Variants in SCAPER observed in about 807,000 individuals in gnomAD.
The protein encoded by SCAPER is S phase cyclin A-associated protein in the endoplasmic reticulum.
In SCAPER, 98 loss-of-function variants were observed where a neutral mutation model predicts 182.2. The ratio of observed to expected loss-of-function variants is 0.54; its 90% CI spans 0.46 to 0.64. The LOEUF (loss-of-function observed/expected upper bound fraction) is 0.64, where lower values mean the gene tolerates loss of function less well. Among genes scored for constraint, SCAPER ranks in the 30% least tolerant of loss-of-function variants. The pLI is 0.00. For synonymous variants in SCAPER, 605 were observed against 564.6 expected (o/e 1.07, Z -1.01); for missense variants, 1,432 against 1,690.0 (o/e 0.85, Z 2.68).
At chr15:76,418,196 A>G (rs1424643161) in intron 26 of SCAPER, among the ~76,000 whole-genome samples, 1 of 152,190 alleles carries the variant, frequency 6.6e-6, no homozygotes, top group East Asian at 1.9e-4. Flanking sequence ...CTAGAGGGGC[A>G]GCAAAATCCC....
chr15:76,873,480 T>A (rs1471315089), intron 2 of SCAPER, among the ~76,000 whole-genome samples: 2 of 152,198 alleles, frequency 1.3e-5, no homozygotes, highest in Non-Finnish European at 2.9e-5. Context: ...TATATAGTGA[T>A]ACTTTTAGTA....
intron 21 of SCAPER, among the ~76,000 whole-genome samples, chr15:76,646,133 G>A (rs2054526444): frequency 6.6e-6 from 1 of 152,074 alleles, no homozygotes; most frequent in South Asian, 2.1e-4. Context: ...GATCCCCATG[G>A]ATACCAAAAT....
chr15:76,715,646 C>T (rs140392207), intron 17 of SCAPER, among the ~76,000 whole-genome samples: 2 of 152,260 alleles, frequency 1.3e-5, no homozygotes, highest in East Asian at 3.9e-4. Context: ...GTGACCACCA[C>T]ATGCTCCTCA....
At chr15:76,645,625 C>T (rs2146444509) in intron 21 of SCAPER, among the ~76,000 whole-genome samples, 1 of 152,020 alleles carries the variant, frequency 6.6e-6, no homozygotes, top group East Asian at 1.9e-4. Flanking sequence ...GTTTATCCTC[C>T]CTGGAATTAA....
At chr15:76,401,116 T>C (rs1363978843) in intron 27 of SCAPER, among the ~76,000 whole-genome samples, 3 of 149,332 alleles carry the variant, frequency 2.0e-5, no homozygotes, top group African/African-American at 7.7e-5. Context: ...AGTTTACACA[T>C]ATATGTATAT....
At chr15:76,716,276 C>T (rs904636516) in intron 17 of SCAPER, among the ~76,000 whole-genome samples, 5 of 152,270 alleles carry the variant, frequency 3.3e-5, no homozygotes, top group Non-Finnish European at 5.9e-5. Context: ...CTGTGTCCTA[C>T]ACCCAAGCGG....
intron 24 of SCAPER, among the ~76,000 whole-genome samples, chr15:76,491,616 G>C (rs1353954347): frequency 1.3e-5 from 2 of 151,890 alleles, no homozygotes; most frequent in Admixed American, 1.3e-4. Context: ...TCCAGCACTT[G>C]GTATTACTGG....
At chr15:76,521,515 A>T (rs762473754) in intron 23 of SCAPER, among the ~76,000 whole-genome samples, 1 of 152,174 alleles carries the variant, frequency 6.6e-6, no homozygotes, top group Non-Finnish European at 1.5e-5. Context: ...AACTGAAGTG[A>T]TAAGAAGAGT....
chr15:76,619,716 T>C (rs886672472), intron 22 of SCAPER, among the ~76,000 whole-genome samples: 12 of 152,168 alleles, frequency 7.9e-5, no homozygotes, highest in African/African-American at 2.7e-4. Context: ...ATTAGGTATA[T>C]CTCCTAATGC....
chr15:76,475,988 A>G (rs1399313459), intron 24 of SCAPER, among the ~76,000 whole-genome samples: 3 of 152,212 alleles, frequency 2.0e-5, no homozygotes, highest in Non-Finnish European at 4.4e-5. Context: ...ACTGGTTTAC[A>G]TATCCTTCCA....
At chr15:76,794,458 G>A (rs2065194321) in intron 8 of SCAPER, among the ~76,000 whole-genome samples, 1 of 152,076 alleles carries the variant, frequency 6.6e-6, no homozygotes, top group South Asian at 2.1e-4. Context: ...TTAGTATGAA[G>A]AGGGGCAATA....
intron 26 of SCAPER, among the ~76,000 whole-genome samples, chr15:76,407,783 A>G (rs543685415): frequency 6.6e-6 from 1 of 152,320 alleles, no homozygotes; most frequent in African/African-American, 2.4e-5. Context: ...ATCTTGGTTA[A>G]GCATTATATT....
chr15:76,729,993 T>TTAC (rs1341299812), intron 16 of SCAPER, among the ~76,000 whole-genome samples: 1 of 152,122 alleles, frequency 6.6e-6, no homozygotes, highest in African/African-American at 2.4e-5. Flanking sequence ...TACCTACTAC[T>TTAC]TACATAACCT....
chr15:76,407,971 C>T (rs1386340301), intron 26 of SCAPER, among the ~76,000 whole-genome samples: 3 of 151,958 alleles, frequency 2.0e-5, no homozygotes, highest in African/African-American at 4.8e-5. Context: ...TAAAAAAAAT[C>T]ACTTAAAAAA....
intron 5 of SCAPER, among the ~76,000 whole-genome samples, chr15:76,808,012 T>A (rs1012958785): frequency 3.3e-5 from 5 of 152,186 alleles, no homozygotes; most frequent in Admixed American, 3.3e-4. Flanking sequence ...GATACCTACA[T>A]CACCTAGCTG....
At chr15:76,642,478 A>G (rs1409637211) in intron 21 of SCAPER, among the ~76,000 whole-genome samples, 1 of 152,208 alleles carries the variant, frequency 6.6e-6, no homozygotes, top group African/African-American at 2.4e-5. Context: ...AAATATTAAT[A>G]TTACATTAAA....
intron 25 of SCAPER, among the ~76,000 whole-genome samples, chr15:76,445,548 G>C (rs538080325): frequency 3.3e-5 from 5 of 152,162 alleles, no homozygotes; most frequent in Admixed American, 6.5e-5. Flanking sequence ...TATCAGGTGA[G>C]GGCAGGAATT....
intron 24 of SCAPER, among the ~76,000 whole-genome samples, chr15:76,502,412 G>T (rs192801624): frequency 4.6e-5 from 7 of 152,278 alleles, no homozygotes; most frequent in Admixed American, 4.6e-4. Flanking sequence ...ATGAGTTCAT[G>T]TCCTTTGTAG....
intron 10 of SCAPER, 87 bp downstream of exon 10, chr15:76,771,655 C>A: frequency 2.2e-6 from 2 of 925,594 alleles, no homozygotes; most frequent in African/African-American, 1.7e-5. Flanking sequence ...AAGTATAAAT[C>A]ATACAAGTTA....
Sources: allele counts gnomAD v4.1 joint callset (sites outside exome capture counted in the v4.1 genomes callset), GRCh38; gene constraint gnomAD v4.1.1; transcripts MANE v1.5; gene names NCBI Gene and HGNC (gene_info 2026-07-23, HGNC 2026-07-21).